KDM4C: variants seen among roughly 807,000 people sequenced by gnomAD.
The protein encoded by KDM4C is lysine demethylase 4C.
Under a neutral mutation model 129.3 loss-of-function variants are expected in KDM4C, and 81 were observed. The observed-to-expected ratio is 0.63, with a 90% CI of 0.52 to 0.75. The LOEUF is 0.75. KDM4C is among the 30% of genes least tolerant of loss of function. The probability of loss-of-function intolerance (pLI) is 0.00; values close to 1 mark genes in which losing one functional copy is unlikely to be tolerated. For synonymous variants in KDM4C, 573 were observed against 456.1 expected, an observed-to-expected ratio of 1.26 and a Z score of -3.26; for missense variants, 1,457 against 1,304.0, an observed-to-expected ratio of 1.12 and a Z score of -1.81.
At chr9:6,766,165 T>G (rs192042107) in intron 1 of KDM4C, among the ~76,000 whole-genome samples, 3 of 152,178 alleles carry the variant, frequency 2.0e-5, no homozygotes, top group Non-Finnish European at 2.9e-5. Flanking sequence ...GAATTTTATA[T>G]TTTTTTCAGA....
At chr9:6,889,299 G>C (rs971858203) in intron 7 of KDM4C, among the ~76,000 whole-genome samples, 1 of 149,280 alleles carries the variant, frequency 6.7e-6, no homozygotes, top group Non-Finnish European at 1.5e-5. Flanking sequence ...CAAGTGCCAG[G>C]GTTCATTCTT....
At chr9:6,980,639 C>A (rs1184338819) in intron 8 of KDM4C, among the ~76,000 whole-genome samples, 1 of 152,090 alleles carries the variant, frequency 6.6e-6, no homozygotes, top group Non-Finnish European at 1.5e-5. Context: ...CTTTCCATTG[C>A]AGGCGTGCTT....
At chr9:7,007,862 A>T (rs1048626427) in intron 12 of KDM4C, among the ~76,000 whole-genome samples, 2 of 152,228 alleles carry the variant, frequency 1.3e-5, no homozygotes, top group African/African-American at 4.8e-5. Flanking sequence ...ATTTATTTTC[A>T]TAAAAAATAA....
rs375815280 is a variant in KDM4C at position 6,851,384 on chromosome 9, G to A, written c.629+1684G>A. Among the ~76,000 whole-genome samples the A allele has an allele frequency of 5.6e-4, 85 of 152,244 alleles. 2 individuals carry two copies. The highest frequency in any genetic ancestry group is 2.0e-3 in the African/African-American group (84 of 41,550). On this transcript the variant is annotated intron_variant, in intron 5 of 21. Transcript: ENST00000381309. ...AAGTTTGTTGGAATGTCATCTTTTA[G>A]TTTTTTCAGAACTTAGCTTGGAGAG...
Position 7,010,243 on chromosome 9 carries a change from C to G in KDM4C, c.1787-1455C>G, listed in dbSNP as rs568370445. 3.3e-5 allele frequency among the ~76,000 whole-genome samples: 5 copies of G among 152,230 alleles called. No homozygotes were observed. In the South Asian group the frequency reaches 1.0e-3, roughly 32 times the overall value. ...TTCATTGCAAATATAGGCAAAGACTCTTATCTTTTGTTTTCAAATACTCTA... is the reference window on the plus strand; with the variant it reads ...TTCATTGCAAATATAGGCAAAGACTGTTATCTTTTGTTTTCAAATACTCTA... On this transcript the variant is annotated intron_variant, in intron 12 of 21. Transcript: ENST00000381309.
At chr9:7,133,955 A>G (rs1379452708) in intron 19 of KDM4C, among the ~76,000 whole-genome samples, 1 of 152,176 alleles carries the variant, frequency 6.6e-6, no homozygotes, top group African/African-American at 2.4e-5. Context: ...CCATGCATAT[A>G]TGGCATTGGC....
intron 15 of KDM4C, among the ~76,000 whole-genome samples, chr9:7,025,834 T>A (rs1349816031): frequency 6.6e-6 from 1 of 152,234 alleles, no homozygotes; most frequent in Non-Finnish European, 1.5e-5. Context: ...CATTTTTTTG[T>A]GTACTTACTA....
intron 6 of KDM4C, among the ~76,000 whole-genome samples, chr9:6,882,225 A>T (rs1207256853): frequency 6.6e-6 from 1 of 152,218 alleles, no homozygotes; most frequent in Non-Finnish European, 1.5e-5. Flanking sequence ...TATACTTGTT[A>T]TATTCGTCTG....
intron 17 of KDM4C, among the ~76,000 whole-genome samples, chr9:7,094,135 A>C (rs1331287213): frequency 1.3e-5 from 2 of 152,204 alleles, no homozygotes; most frequent in African/African-American, 4.8e-5. Flanking sequence ...CCATTGTTCT[A>C]ATCACAAATA....
intron 2 of KDM4C, among the ~76,000 whole-genome samples, chr9:6,798,688 C>T (rs1007294506): frequency 6.6e-6 from 1 of 151,910 alleles, no homozygotes; most frequent in Non-Finnish European, 1.5e-5. Context: ...TTTTCCCCAC[C>T]TTTCCCCCTT....
intron 5 of KDM4C, among the ~76,000 whole-genome samples, chr9:6,871,331 A>T (rs1055637847): frequency 6.6e-6 from 1 of 152,220 alleles, no homozygotes; most frequent in Non-Finnish European, 1.5e-5. Flanking sequence ...CTGCAGGGCT[A>T]TATCTGTTTA....
chr9:6,872,155 A>C, intron 5 of KDM4C, among the ~76,000 whole-genome samples: 1 of 152,178 alleles, frequency 6.6e-6, no homozygotes, highest in East Asian at 1.9e-4. Flanking sequence ...GGTTGGAGTT[A>C]AATTGTGGAG....
At chr9:7,140,894 C>G (rs1841677741) in intron 19 of KDM4C, among the ~76,000 whole-genome samples, 1 of 152,202 alleles carries the variant, frequency 6.6e-6, no homozygotes, top group Non-Finnish European at 1.5e-5. Context: ...AAATAAACAT[C>G]TTATCTAGAT....
intron 19 of KDM4C, among the ~76,000 whole-genome samples, chr9:7,162,722 A>G (rs1220941750): frequency 6.6e-6 from 1 of 152,104 alleles, no homozygotes; most frequent in African/African-American, 2.4e-5. Context: ...GCAAATCTGT[A>G]AAATTAAGGA....
intron 4 of KDM4C, among the ~76,000 whole-genome samples, chr9:6,846,530 G>T (rs1837880477): frequency 1.3e-5 from 2 of 149,986 alleles, no homozygotes; most frequent in African/African-American, 2.4e-5. Flanking sequence ...ATTGGAGAAA[G>T]AATTTTGAAA....
chr9:7,113,073 G>T (rs7035850), intron 18 of KDM4C, among the ~76,000 whole-genome samples: 1 of 152,012 alleles, frequency 6.6e-6, no homozygotes, highest in East Asian at 1.9e-4. Flanking sequence ...TGAATTTGCA[G>T]TGTTATTATT....
intron 12 of KDM4C, among the ~76,000 whole-genome samples, chr9:7,001,740 T>C (rs1788880311): frequency 6.6e-6 from 1 of 152,178 alleles, no homozygotes; most frequent in Admixed American, 6.5e-5. Context: ...ATCTTTTTTT[T>C]TTTGGTATGG....
chr9:6,830,051 G>C (rs1252119222), intron 4 of KDM4C, among the ~76,000 whole-genome samples: 1 of 151,878 alleles, frequency 6.6e-6, no homozygotes, highest in Non-Finnish European at 1.5e-5. Flanking sequence ...AAAAATATGG[G>C]GCAGTGTTTC....
chr9:6,768,301 TAGGC>T (rs1025716113), intron 1 of KDM4C, among the ~76,000 whole-genome samples: 5 of 151,276 alleles, frequency 3.3e-5, no homozygotes, highest in Non-Finnish European at 7.4e-5. Flanking sequence ...TGGTGACAGA[TAGGC>T]AGGCCCCAGC....
Sources: allele counts gnomAD v4.1 joint callset (sites outside exome capture counted in the v4.1 genomes callset), GRCh38; gene constraint gnomAD v4.1.1; transcripts MANE v1.5; gene names NCBI Gene and HGNC (gene_info 2026-07-23, HGNC 2026-07-21).